Variants in CLEC17A observed in about 807,000 individuals in gnomAD.
The protein encoded by CLEC17A is C-type lectin domain family 17, member A.
In CLEC17A, 37 loss-of-function variants were observed where a neutral mutation model predicts 61.3. The observed-to-expected ratio is 0.60, with a 90% CI of 0.46 to 0.79. The LOEUF is 0.79. Ranked by LOEUF, CLEC17A falls within the 30% of genes least tolerant of loss-of-function variation. The pLI is 0.00. For synonymous variants in CLEC17A, 168 were observed against 164.9 expected, an observed-to-expected ratio of 1.02 and a Z score of -0.14; for missense variants, 418 against 464.7, an observed-to-expected ratio of 0.90 and a Z score of 0.92.
At chr19:14,605,334 G>T (rs529001180) in intron 12 of CLEC17A, among the ~76,000 whole-genome samples, 1 of 151,482 alleles carries the variant, frequency 6.6e-6, no homozygotes, top group East Asian at 2.0e-4. Flanking sequence ...GACCTCAGGT[G>T]ATCCACCTGT....
At chr19:14,582,325 C>G (rs191561588), upstream of CLEC17A, among the ~76,000 whole-genome samples, 64 of 151,072 alleles carry the variant, frequency 4.2e-4, no homozygotes, top group Admixed American at 2.2e-3. Context: ...CCATTCTCCT[C>G]CCTCAGCCTC....
intron 7 of CLEC17A, 113 bp from the exon 8 acceptor site, chr19:14,595,161 T>A: frequency 8.1e-7 from 1 of 1,237,124 alleles, no homozygotes. Context: ...CGTGAGCCAC[T>A]GCCCACAGCC....
In CLEC17A at chr19:14,594,649, C is replaced by A. The variant is rs752452950; in HGVS notation, c.328C>A (p.Pro110Thr). ...PPRAAKETEK[P>T]PLPCKPRNMT... Reference sequence around the variant, plus strand: ...CTCCTCAGCAAAGGAAACAGAGAAACCCCCACTTCCTTGCAAGCCCCGGAA... The same window carrying A: ...CTCCTCAGCAAAGGAAACAGAGAAAACCCCACTTCCTTGCAAGCCCCGGAA... The change falls in exon 6 of 14, where the codon CCC becomes ACC. Residue 110 changes from proline to threonine, a missense_variant. By Grantham distance (38) the Pro-to-Thr change is conservative. Coordinates refer to ENST00000417570, the MANE Select transcript of CLEC17A (RefSeq NM_001204118.2). 1.9e-6 allele frequency: 3 copies of A among 1,613,906 alleles called. No individual in the cohort carries two copies. The highest frequency in any genetic ancestry group is 1.7e-6 in the Non-Finnish European group (2 of 1,179,868).
upstream of CLEC17A, among the ~76,000 whole-genome samples, chr19:14,582,892 G>A (rs1056144606): frequency 6.6e-6 from 1 of 152,130 alleles, no homozygotes; most frequent in Admixed American, 6.6e-5. Flanking sequence ...CCAGGCGAGA[G>A]CCACCACACC....
chr19:14,587,164 A>T (rs1425231469), intron 2 of CLEC17A, among the ~76,000 whole-genome samples: 2 of 151,728 alleles, frequency 1.3e-5, no homozygotes, highest in Admixed American at 1.3e-4. Flanking sequence ...AAGTGCTGGG[A>T]TTACAGACGT....
chr19:14,591,938 G>A (rs1461953928), intron 3 of CLEC17A, among the ~76,000 whole-genome samples: 1 of 151,232 alleles, frequency 6.6e-6, no homozygotes, highest in East Asian at 1.9e-4. Flanking sequence ...GTGTGTGTTT[G>A]TGTGAGGTCC....
At position 14,599,079 on chromosome 19, in the gene CLEC17A, C is replaced by CTTTTTTTTTTTTT. The variant is rs796835309; in HGVS notation, c.647-624_647-612dup. On this transcript the variant is annotated intron_variant, in intron 10 of 13. Transcript: ENST00000417570. ...CAACATACTTGCCTCTGTATCTTTG[C>CTTTTTTTTTTTTT]TTTTTTTTTTTTTTTTTTTTTTTTT... 1.1e-4 allele frequency among the ~76,000 whole-genome samples: 6 copies of CTTTTTTTTTTTTT among 56,942 alleles called. 1 individual carries two copies. The highest frequency in any genetic ancestry group is 4.2e-4 in the East Asian group (1 of 2,386). The allele number at this position is 56,942 out of a possible 152,430, so 37.4% of individuals were successfully genotyped here.
At chr19:14,607,167 G>C (rs1432070953) in intron 13 of CLEC17A, 65 bp downstream of exon 13, 3 of 649,712 alleles carry the variant, frequency 4.6e-6, no homozygotes, top group Non-Finnish European at 6.6e-6. Context: ...GGGGAGGGGA[G>C]AAGGTGATGG....
At chr19:14,587,234 TGTG>T (rs982357376) in intron 2 of CLEC17A, among the ~76,000 whole-genome samples, 6 of 43,702 alleles carry the variant, frequency 1.4e-4, no homozygotes, top group Non-Finnish European at 2.6e-4. Flanking sequence ...CAGAGAAAGA[TGTG>T]TGTGTGTGTG....
At position 14,609,047 on chromosome 19, in the gene CLEC17A, G is replaced by T. The variant is rs575368503; in HGVS notation, c.1005-1017G>T. On this transcript the variant is annotated intron_variant, in intron 13 of 13. Transcript: ENST00000417570. ...AATCCTGACCTCAGGTGATCTACCCGTCTTGGCCTCCCAAAGTGCTGGGAT... is the reference window on the plus strand; with the variant it reads ...AATCCTGACCTCAGGTGATCTACCCTTCTTGGCCTCCCAAAGTGCTGGGAT... 2.7e-3 allele frequency among the ~76,000 whole-genome samples: 416 copies of T among 152,098 alleles called. 1 individual carries two copies. Among genetic ancestry groups the T allele is most frequent in the African/African-American group, 9.5e-3 (394 of 41,480 alleles).
At chr19:14,595,249 A>C (rs374103106) in intron 7 of CLEC17A, 25 bp from the exon 8 acceptor site, 23 of 1,613,540 alleles carry the variant, frequency 1.4e-5, no homozygotes, top group Non-Finnish European at 1.9e-5. Context: ...TCTTCTGAAT[A>C]AACCTCTCTC....
chr19:14,590,985 A>G (rs1455370964), intron 3 of CLEC17A, among the ~76,000 whole-genome samples: 1 of 151,362 alleles, frequency 6.6e-6, no homozygotes, highest in Non-Finnish European at 1.5e-5. Context: ...GGCATGAGCC[A>G]CTGCGCCCAG....
At position 14,611,770 on chromosome 19, in the gene CLEC17A, G is replaced by A. The variant is rs2075042433; in HGVS notation, c.*1574G>A. 1.3e-5 allele frequency among the ~76,000 whole-genome samples: 2 copies of A among 152,166 alleles called. No homozygotes were observed. Among genetic ancestry groups the A allele is most frequent in the Admixed American group, 6.6e-5 (1 of 15,254 alleles). ...TAATCCCAGCACTCTGGGAGACTGA[G>A]GTGGGCTGATCACCTGGGGTCAGGA... On this transcript the variant is annotated 3_prime_UTR_variant, in exon 14 of 14. Coordinates refer to ENST00000417570, the MANE Select transcript of CLEC17A (RefSeq NM_001204118.2).
intron 3 of CLEC17A, 127 bp from the exon 4 acceptor site, chr19:14,592,154 G>A: frequency 1.5e-6 from 2 of 1,299,296 alleles, no homozygotes; most frequent in East Asian, 2.5e-5. Context: ...GCTGGGGCTG[G>A]GGCCCAGGTG....
intron 9 of CLEC17A, 35 bp from the exon 10 acceptor site, chr19:14,597,064 G>A: frequency 6.2e-7 from 1 of 1,612,108 alleles, no homozygotes; most frequent in Non-Finnish European, 8.5e-7. Flanking sequence ...GGGTGCACAG[G>A]AGGACCTGGG....
intron 2 of CLEC17A, among the ~76,000 whole-genome samples, chr19:14,583,811 T>G (rs552751763): frequency 6.6e-6 from 1 of 152,054 alleles, no homozygotes; most frequent in Non-Finnish European, 1.5e-5. Context: ...CTTGAGAAAC[T>G]GGGAGTGGAC....
chr19:14,591,904 G>A (rs2074428178), intron 3 of CLEC17A, among the ~76,000 whole-genome samples: 1 of 139,784 alleles, frequency 7.2e-6, no homozygotes. Context: ...AAAAATGTGT[G>A]TGTGTGTGTG....
chr19:14,587,559 G>C, intron 2 of CLEC17A, 55 bp from the exon 3 acceptor site: 1 of 1,513,832 alleles, frequency 6.6e-7, no homozygotes, highest in Non-Finnish European at 8.9e-7. Context: ...ACCAGGGCTT[G>C]AGGGATGGAG....
chr19:14,608,111 A>T (rs2074948455), intron 13 of CLEC17A, among the ~76,000 whole-genome samples: 1 of 152,008 alleles, frequency 6.6e-6, no homozygotes, highest in South Asian at 2.1e-4. Flanking sequence ...AGCTCAAGCG[A>T]TCCACCCGCC....
Sources: allele counts gnomAD v4.1 joint callset (sites outside exome capture counted in the v4.1 genomes callset), GRCh38; gene constraint gnomAD v4.1.1; transcripts MANE v1.5; gene names NCBI Gene and HGNC (gene_info 2026-07-23, HGNC 2026-07-21).